Variants in EXOC4 observed in about 807,000 individuals in gnomAD.
The protein encoded by EXOC4 is exocyst complex component 4.
EXOC4 carries 71 observed loss-of-function variants against 107.2 expected under a neutral mutation model. The ratio of observed to expected loss-of-function variants is 0.66; its 90% confidence interval spans 0.55 to 0.81. EXOC4 has a LOEUF of 0.81. Ranked by LOEUF, EXOC4 falls within the 30% of genes least tolerant of loss-of-function variation. EXOC4 has a pLI of 0.00. For synonymous variants in EXOC4, 456 were observed against 441.2 expected (o/e 1.03, Z -0.42); for missense variants, 1,108 against 1,189.6 (o/e 0.93, Z 1.01).
At chr7:133,361,296 T>C (rs1796130905) in intron 6 of EXOC4, among the ~76,000 whole-genome samples, 1 of 152,220 alleles carries the variant, frequency 6.6e-6, no homozygotes, top group South Asian at 2.1e-4. Flanking sequence ...TTTCTTTTTT[T>C]TGGAGACGGA....
chr7:133,635,165 T>A (rs1353033781), intron 10 of EXOC4, among the ~76,000 whole-genome samples: 1 of 152,176 alleles, frequency 6.6e-6, no homozygotes, highest in African/African-American at 2.4e-5. Context: ...TCATGGTAGT[T>A]ATTAACCATG....
At chr7:133,955,563 C>T (rs974119268) in intron 14 of EXOC4, among the ~76,000 whole-genome samples, 5 of 152,218 alleles carry the variant, frequency 3.3e-5, no homozygotes, top group African/African-American at 1.2e-4. Context: ...CCACTCTGGT[C>T]CATGGGACTG....
At chr7:133,714,680 T>C (rs1794963996) in intron 10 of EXOC4, among the ~76,000 whole-genome samples, 1 of 152,220 alleles carries the variant, frequency 6.6e-6, no homozygotes, top group Admixed American at 6.5e-5. Flanking sequence ...TTAGGTATTG[T>C]AAGTAACCTA....
the EXOC4 span, among the ~76,000 whole-genome samples, chr7:134,096,982 C>T: frequency 1.3e-5 from 2 of 152,044 alleles, no homozygotes; most frequent in African/African-American, 4.8e-5. Context: ...TATAACTTGA[C>T]ATCTGCCACC....
At chr7:133,926,042 CA>C (rs552126104) in intron 13 of EXOC4, among the ~76,000 whole-genome samples, 18,050 of 104,448 alleles carry the variant, frequency 0.17, 1,139 homozygotes, top group African/African-American at 0.25. Context: ...GACTCCGTCT[CA>C]AAAAAAAAAA....
intron 11 of EXOC4, among the ~76,000 whole-genome samples, chr7:133,827,824 G>A (rs999599016): frequency 1.3e-5 from 2 of 152,200 alleles, no homozygotes; most frequent in African/African-American, 2.4e-5. Flanking sequence ...ACTACTGAAT[G>A]AGAAAGTAAT....
chr7:133,519,104 A>C (rs1054887352), intron 9 of EXOC4, among the ~76,000 whole-genome samples: 13 of 152,182 alleles, frequency 8.5e-5, no homozygotes, highest in Admixed American at 7.9e-4. Flanking sequence ...ATTTCATTTA[A>C]GTTTTAGTAA....
chr7:133,731,316 G>A (rs1362477469), intron 10 of EXOC4, among the ~76,000 whole-genome samples: 1 of 152,076 alleles, frequency 6.6e-6, no homozygotes. Context: ...AAACTGAAAT[G>A]CTACCCGTTA....
the EXOC4 span, among the ~76,000 whole-genome samples, chr7:134,090,752 C>A: frequency 6.6e-6 from 1 of 152,000 alleles, no homozygotes; most frequent in Non-Finnish European, 1.5e-5. Context: ...TCCCCATGTC[C>A]CATGATCCCG....
At chr7:133,580,380 A>G (rs1165572345) in intron 9 of EXOC4, among the ~76,000 whole-genome samples, 1 of 152,190 alleles carries the variant, frequency 6.6e-6, no homozygotes. Context: ...TTGTTGGATC[A>G]TATGGTAATT....
intron 9 of EXOC4, among the ~76,000 whole-genome samples, chr7:133,629,602 G>A (rs927317892): frequency 1.3e-5 from 2 of 152,048 alleles, no homozygotes; most frequent in South Asian, 2.1e-4. Flanking sequence ...GTGCAGTGGC[G>A]CAATCTTGGT....
chr7:133,283,366 T>G (rs1027164885), intron 2 of EXOC4, among the ~76,000 whole-genome samples: 2 of 152,210 alleles, frequency 1.3e-5, no homozygotes, highest in African/African-American at 4.8e-5. Flanking sequence ...TGAGCCACCA[T>G]GCCCAAACAG....
chr7:133,462,979 G>C (rs1798630778), intron 7 of EXOC4, among the ~76,000 whole-genome samples: 2 of 152,126 alleles, frequency 1.3e-5, no homozygotes, highest in Non-Finnish European at 1.5e-5. Flanking sequence ...TGAAGGACTT[G>C]TCAGAGGAAT....
chr7:133,509,013 C>A (rs1462301309), intron 9 of EXOC4, among the ~76,000 whole-genome samples: 6 of 152,152 alleles, frequency 3.9e-5, no homozygotes, highest in African/African-American at 1.4e-4. Flanking sequence ...CTGCTGGTTG[C>A]TTAGTATCCA....
chr7:133,646,986 T>C (rs1450343548), intron 10 of EXOC4, among the ~76,000 whole-genome samples: 1 of 152,174 alleles, frequency 6.6e-6, no homozygotes, highest in Non-Finnish European at 1.5e-5. Context: ...CAATATGCAT[T>C]TTCACGGCCA....
chr7:133,757,970 C>T (rs568051006), intron 10 of EXOC4, among the ~76,000 whole-genome samples: 2 of 152,200 alleles, frequency 1.3e-5, no homozygotes, highest in Non-Finnish European at 2.9e-5. Context: ...CTTTCTTATC[C>T]AGAGGGGTTG....
chr7:133,582,879 G>T (rs1241912345), intron 9 of EXOC4, among the ~76,000 whole-genome samples: 1 of 152,178 alleles, frequency 6.6e-6, no homozygotes, highest in Non-Finnish European at 1.5e-5. Context: ...GTTCATGGGG[G>T]TTTTGAAAAG....
chr7:133,975,741 G>A (rs563097162), intron 14 of EXOC4, among the ~76,000 whole-genome samples: 7 of 80,730 alleles, frequency 8.7e-5, no homozygotes, highest in East Asian at 1.4e-3. Flanking sequence ...TCTAAAATGC[G>A]TGTGCACACA....
chr7:133,837,653 ATTAT>A (rs1744505463), intron 11 of EXOC4, among the ~76,000 whole-genome samples: 1 of 152,188 alleles, frequency 6.6e-6, no homozygotes, highest in Non-Finnish European at 1.5e-5. Context: ...TCTCTTTCAG[ATTAT>A]TGCCTGACAT....
Sources: allele counts gnomAD v4.1 joint callset (sites outside exome capture counted in the v4.1 genomes callset), GRCh38; gene constraint gnomAD v4.1.1; transcripts MANE v1.5; gene names NCBI Gene and HGNC (gene_info 2026-07-23, HGNC 2026-07-21).